The following PCDH9 variants were observed in gnomAD, a reference collection of about 807,000 sequenced individuals.
The protein encoded by PCDH9 is protocadherin-9.
A neutral mutation model predicts 70.6 loss-of-function variants in PCDH9; 24 were observed. That is an observed-to-expected ratio of 0.34 (90% confidence interval 0.25 to 0.48). PCDH9 has a LOEUF of 0.48. Among genes scored for constraint, PCDH9 ranks in the 20% least tolerant of loss-of-function variants. The probability of loss-of-function intolerance (pLI) is 0.99; values close to 1 mark genes in which losing one functional copy is unlikely to be tolerated. For synonymous variants in PCDH9, 562 were observed against 558.5 expected (o/e 1.01, Z -0.09); for missense variants, 1,281 against 1,503.6 (o/e 0.85, Z 2.45).
At chr13:66,331,978 G>A (rs1185321654) in intron 4 of PCDH9, among the ~76,000 whole-genome samples, 1 of 152,258 alleles carries the variant, frequency 6.6e-6, no homozygotes, top group Admixed American at 6.5e-5. Context: ...ACCAAATGCT[G>A]ACTTAAAGTA....
At chr13:66,409,640 G>A (rs566703344) in intron 4 of PCDH9, among the ~76,000 whole-genome samples, 7 of 152,144 alleles carry the variant, frequency 4.6e-5, no homozygotes, top group Non-Finnish European at 1.0e-4. Flanking sequence ...AAAATTGAAA[G>A]CCACTGGATT....
intron 4 of PCDH9, among the ~76,000 whole-genome samples, chr13:66,494,607 T>C (rs992571944): frequency 1.3e-5 from 2 of 152,090 alleles, no homozygotes; most frequent in African/African-American, 4.8e-5. Flanking sequence ...ACCATTCTAC[T>C]GCCAACAATT....
intron 3 of PCDH9, among the ~76,000 whole-genome samples, chr13:66,718,126 G>A (rs566658101): frequency 6.6e-6 from 1 of 152,256 alleles, no homozygotes; most frequent in African/African-American, 2.4e-5. Flanking sequence ...TATGCTCAGG[G>A]TCAAAACATT....
At chr13:66,705,788 G>C (rs2078703572) in intron 3 of PCDH9, among the ~76,000 whole-genome samples, 1 of 152,054 alleles carries the variant, frequency 6.6e-6, no homozygotes. Flanking sequence ...AACTTTACTA[G>C]GGTTTTAATT....
chr13:66,587,962 C>T (rs887868661), intron 4 of PCDH9, among the ~76,000 whole-genome samples: 7 of 151,972 alleles, frequency 4.6e-5, no homozygotes, highest in African/African-American at 1.4e-4. Context: ...GAATGTCGCT[C>T]ACCTCTAAGA....
intron 3 of PCDH9, among the ~76,000 whole-genome samples, chr13:66,746,872 G>C (rs1267572789): frequency 1.3e-5 from 2 of 152,020 alleles, no homozygotes; most frequent in Non-Finnish European, 2.9e-5. Flanking sequence ...AATAATGTTT[G>C]GTACTTTTAA....
intron 4 of PCDH9, among the ~76,000 whole-genome samples, chr13:66,343,249 T>A (rs1956160703): frequency 6.6e-6 from 1 of 152,170 alleles, no homozygotes; most frequent in African/African-American, 2.4e-5. Flanking sequence ...CTTAAGAACA[T>A]CCATTTATCA....
intron 2 of PCDH9, among the ~76,000 whole-genome samples, chr13:67,158,655 A>G (rs9541023): frequency 2.0e-4 from 30 of 152,056 alleles, no homozygotes; most frequent in Non-Finnish European, 4.4e-5. Context: ...CATCTTGGAC[A>G]GTCCAGACTC....
chr13:66,850,840 A>G (rs1397068743), intron 3 of PCDH9, among the ~76,000 whole-genome samples: 1 of 152,208 alleles, frequency 6.6e-6, no homozygotes, highest in East Asian at 1.9e-4. Context: ...GTTTGAAAAT[A>G]CGCCCAGCTG....
chr13:66,974,199 G>A (rs1193651064), intron 2 of PCDH9, among the ~76,000 whole-genome samples: 1 of 151,928 alleles, frequency 6.6e-6, no homozygotes, highest in Non-Finnish European at 1.5e-5. Context: ...AATGATATGA[G>A]AGTCTAATAT....
chr13:66,678,166 T>C (rs970677652), intron 3 of PCDH9, among the ~76,000 whole-genome samples: 13 of 152,148 alleles, frequency 8.5e-5, no homozygotes, highest in Non-Finnish European at 1.8e-4. Context: ...CTTCCACCTA[T>C]TCCTGATGTT....
At chr13:67,131,064 A>C (rs990403067) in intron 2 of PCDH9, among the ~76,000 whole-genome samples, 1 of 152,236 alleles carries the variant, frequency 6.6e-6, no homozygotes, top group Non-Finnish European at 1.5e-5. Flanking sequence ...ATTAAAATAC[A>C]GAAATGACAA....
intron 3 of PCDH9, among the ~76,000 whole-genome samples, chr13:66,771,038 A>C (rs181363154): frequency 1.4e-4 from 21 of 152,238 alleles, no homozygotes; most frequent in Admixed American, 1.2e-3. Context: ...ATGTTCCACT[A>C]TGTCTTCACA....
Position 66,372,437 on chromosome 13 carries a change from C to T in PCDH9, c.3341-67409G>A, listed in dbSNP as rs866662454. ...ATGGTGAACATCATATAAAAAGAGT[C>T]GAGAAGATCAGAAAGTAAAAAGTGA... On this transcript the variant is annotated intron_variant, in intron 4 of 4. Transcript: ENST00000377865. Among the ~76,000 whole-genome samples the T allele has an allele frequency of 7.3e-5, 11 of 151,108 alleles. No homozygotes were observed. In the South Asian group the frequency reaches 1.3e-3, roughly 17 times the overall value.
At chr13:67,105,200 T>C (rs558065304) in intron 2 of PCDH9, among the ~76,000 whole-genome samples, 1 of 152,232 alleles carries the variant, frequency 6.6e-6, no homozygotes, top group South Asian at 2.1e-4. Context: ...CCTACACTTT[T>C]TGGCAAAAGA....
At chr13:66,830,762 A>G (rs1330594504) in intron 3 of PCDH9, among the ~76,000 whole-genome samples, 1 of 152,210 alleles carries the variant, frequency 6.6e-6, no homozygotes, top group East Asian at 1.9e-4. Context: ...TACATGGTTG[A>G]TTATTTTTCA....
At chr13:66,533,059 A>G (rs1335547661) in intron 4 of PCDH9, among the ~76,000 whole-genome samples, 1 of 152,114 alleles carries the variant, frequency 6.6e-6, no homozygotes, top group Non-Finnish European at 1.5e-5. Flanking sequence ...ATGTGCCCAC[A>G]CTGGGTGGAA....
chr13:66,603,560 A>T (rs534356798), intron 4 of PCDH9, among the ~76,000 whole-genome samples: 112 of 152,136 alleles, frequency 7.4e-4, no homozygotes, highest in African/African-American at 2.6e-3. Flanking sequence ...TTATACATTG[A>T]CATTCATATA....
chr13:67,026,050 A>T (rs2084774093), intron 2 of PCDH9, among the ~76,000 whole-genome samples: 1 of 152,154 alleles, frequency 6.6e-6, no homozygotes, highest in South Asian at 2.1e-4. Context: ...AACTAAAACT[A>T]CATCTAATGA....
Sources: allele counts gnomAD v4.1 joint callset (sites outside exome capture counted in the v4.1 genomes callset), GRCh38; gene constraint gnomAD v4.1.1; transcripts MANE v1.5; gene names NCBI Gene and HGNC (gene_info 2026-07-23, HGNC 2026-07-21).